CILK1: variants seen among roughly 807,000 people sequenced by gnomAD.
CILK1 encodes ciliogenesis associated kinase 1, also known as serine/threonine-protein kinase ICK.
CILK1 carries 47 observed loss-of-function variants against 79.2 expected under a neutral mutation model. The observed-to-expected ratio is 0.59, with a 90% CI of 0.47 to 0.76. The LOEUF (loss-of-function observed/expected upper bound fraction) is 0.76. Ranked by LOEUF, CILK1 falls within the 30% of genes least tolerant of loss-of-function variation. The probability of loss-of-function intolerance (pLI) is 0.00; values close to 1 mark genes in which losing one functional copy is unlikely to be tolerated. For synonymous variants in CILK1, 266 were observed against 275.9 expected (o/e 0.96, Z 0.36); for missense variants, 660 against 769.5 (o/e 0.86, Z 1.68).
chr6:53,036,533 G>A (rs570068886), intron 3 of CILK1, among the ~76,000 whole-genome samples: 13 of 151,964 alleles, frequency 8.6e-5, no homozygotes, highest in African/African-American at 2.2e-4. Context: ...CTCCTGCTTC[G>A]GCTTCCTGAG....
chr6:53,007,410 TTA>T (rs1167684896), intron 12 of CILK1, among the ~76,000 whole-genome samples: 3 of 152,272 alleles, frequency 2.0e-5, no homozygotes, highest in African/African-American at 7.2e-5. Context: ...GAGAAAAAAC[TTA>T]TAGTCAATAA....
At chr6:53,005,880 C>T (rs1002421121) in intron 13 of CILK1, among the ~76,000 whole-genome samples, 2 of 152,184 alleles carry the variant, frequency 1.3e-5, no homozygotes, top group African/African-American at 4.8e-5. Flanking sequence ...GTCACTCCCA[C>T]ACTCTGGCCT....
intron 7 of CILK1, 131 bp downstream of exon 7, chr6:53,018,199 A>G: frequency 1.1e-6 from 1 of 871,634 alleles, no homozygotes; most frequent in Non-Finnish European, 1.9e-6. Context: ...GGCAGTGGAG[A>G]ATGACTGAGG....
At chr6:53,016,884 A>G (rs1764922860) in intron 7 of CILK1, among the ~76,000 whole-genome samples, 1 of 152,220 alleles carries the variant, frequency 6.6e-6, no homozygotes, top group African/African-American at 2.4e-5. Flanking sequence ...AGCCTAAGGT[A>G]ATTGTTCCTC....
intron 5 of CILK1, among the ~76,000 whole-genome samples, chr6:53,029,786 G>C (rs900330731): frequency 6.6e-6 from 1 of 152,166 alleles, no homozygotes. Context: ...CAGTCTCCTT[G>C]AGTAATAAAA....
At chr6:53,022,424 A>G (rs1211071227) in intron 5 of CILK1, among the ~76,000 whole-genome samples, 1 of 152,190 alleles carries the variant, frequency 6.6e-6, no homozygotes, top group African/African-American at 2.4e-5. Flanking sequence ...ATTGTGTTAC[A>G]ATTGCCTATA....
chr6:53,031,031 G>A lies in CILK1; in HGVS notation c.358+34C>T, dbSNP rs74679577. The A allele has an allele frequency of 3.5e-4, 485 of 1,380,830 alleles. No individual in the cohort carries two copies. In the African/African-American group the frequency reaches 6.4e-3, roughly 18 times the overall value. 85.5% of individuals were successfully genotyped at this position (1,380,830 alleles called of 1,614,324 possible). ...TTCTACTTGATAACAACATTTCACT[G>A]CTCTTCAAAAGCACAACACTCCGAA... On this transcript the variant is annotated intron_variant, in intron 5 of 13. Transcript: ENST00000676107.
At chr6:53,037,594 T>C (rs970840315) in intron 3 of CILK1, among the ~76,000 whole-genome samples, 1 of 152,174 alleles carries the variant, frequency 6.6e-6, no homozygotes, top group Admixed American at 6.5e-5. Flanking sequence ...AGCAAGAAAC[T>C]GAAGTAAGTA....
rs33936662 is a variant in CILK1 at position 53,013,856 on chromosome 6, C to A, written c.958G>T (p.Val320Phe). ...TTGGCTGGTGGCTGGGCAGGTGGGA[C>A]TGGCTTAATATAAGGAGGTGGGCCT... ...KAGPPPYIKP[V>F]PPAQPPAKPH... is the part of the protein sequence containing the mutation. Residue 320 changes from valine (V) to phenylalanine (F), a missense_variant, in exon 9 of 14, where the codon GTC (valine) becomes TTC (phenylalanine). Transcript: ENST00000676107. 6.2e-7 allele frequency: 1 copy of A among 1,613,986 alleles called. No individual in the cohort carries two copies. The highest frequency in any genetic ancestry group is 8.5e-7 in the Non-Finnish European group (1 of 1,179,960).
At chr6:53,045,827 T>G (rs1767040793) in intron 1 of CILK1, among the ~76,000 whole-genome samples, 1 of 141,702 alleles carries the variant, frequency 7.1e-6, no homozygotes, top group Admixed American at 7.7e-5. Context: ...AAGCTTGATT[T>G]GTCAAAAAAA....
chr6:53,032,792 T>C (rs1268313629), intron 3 of CILK1, 138 bp from the exon 4 acceptor site: 2 of 630,124 alleles, frequency 3.2e-6, no homozygotes, highest in Non-Finnish European at 2.6e-6. Flanking sequence ...TTATATTTTA[T>C]TGACAGTTTA....
rs1764130552 is a variant in CILK1, at chr6:53,004,932, A to G, written c.*217T>C. The G allele has an allele frequency of 2.0e-6, 1 of 490,074 alleles. No individual in the cohort carries two copies. Among genetic ancestry groups the G allele is most frequent in the Non-Finnish European group, 3.6e-6 (1 of 278,822 alleles). The allele number at this position is 490,074 out of a possible 1,614,324, so 30.4% of individuals were successfully genotyped here. A position where few individuals can be genotyped will look rare whatever the true frequency, so the allele number is the denominator to read the frequency against. On this transcript the variant is annotated 3_prime_UTR_variant, in exon 14 of 14. Transcript: ENST00000676107. ...GAAAATAATGGGACCCAGTTTTAGA[A>G]TAAAATAATTTTATACAAAAAAGCC...
intron 1 of CILK1, among the ~76,000 whole-genome samples, chr6:53,046,571 T>C (rs1011095792): frequency 6.6e-6 from 1 of 152,240 alleles, no homozygotes; most frequent in African/African-American, 2.4e-5. Context: ...TGTGGCAAGA[T>C]ATGACTCTCA....
At chr6:53,017,005 C>G (rs578038260) in intron 7 of CILK1, among the ~76,000 whole-genome samples, 44 of 152,236 alleles carry the variant, frequency 2.9e-4, no homozygotes, top group Non-Finnish European at 5.1e-4. Flanking sequence ...CAAAAATGAT[C>G]CAATATAAAT....
In CILK1 at chr6:53,014,029, T is replaced by C. The variant is rs1280934004; in HGVS notation, c.832-47A>G. The C allele has an allele frequency of 2.1e-6, 3 of 1,448,018 alleles. No homozygotes were observed. In the South Asian group the frequency reaches 3.5e-5, roughly 17 times the overall value. 89.7% of individuals were successfully genotyped at this position (1,448,018 alleles called of 1,614,324 possible). A position where few individuals can be genotyped will look rare whatever the true frequency, so the allele number is the denominator to read the frequency against. ...TAGGAGAAAAGTCTAGCCAGGAAAG[T>C]TACCACTGTCTTGATTACTGGGCTA... On this transcript the variant is annotated intron_variant, in intron 8 of 13. Transcript: ENST00000676107.
intron 2 of CILK1, among the ~76,000 whole-genome samples, chr6:53,038,953 G>C (rs937862219): frequency 1.3e-5 from 2 of 152,216 alleles, no homozygotes; most frequent in Non-Finnish European, 1.5e-5. Flanking sequence ...TTGTCTTATA[G>C]CAGTCCTGTG....
At position 53,005,156 on chromosome 6, in the gene CILK1, C is replaced by T. The variant is rs147049747; in HGVS notation, c.1892G>A (p.Arg631Gln). Reference protein sequence around the residue: ...RTDWASKYASRR With the variant: ...RTDWASKYASQR ...CATCACCAAGGCAGACAGTCATCGCCGAGATGCGTACTTGGAAGCCCAGTC... is the reference window on the plus strand; with the variant it reads ...CATCACCAAGGCAGACAGTCATCGCTGAGATGCGTACTTGGAAGCCCAGTC... Residue 631 changes from arginine to glutamine, a missense_variant, in exon 14 of 14, where the codon CGG becomes CAG. Transcript: ENST00000676107. 3.1e-5 allele frequency: 50 copies of T among 1,614,124 alleles called. 1 individual carries two copies. The highest frequency in any genetic ancestry group is 2.9e-4 in the African/African-American group (22 of 75,048).
In CILK1 at chr6:53,004,701, C is replaced by T. The variant is rs937852265; in HGVS notation, c.*448G>A. The T allele has an allele frequency of 2.3e-5, 4 of 170,248 alleles. No homozygotes were observed. Among genetic ancestry groups the T allele is most frequent in the African/African-American group, 9.6e-5 (4 of 41,526 alleles). 10.5% of individuals were successfully genotyped at this position (170,248 alleles called of 1,614,324 possible). ...TCACCACTTCATAAATATCTGCACA[C>T]ACTGAGTAAATAACCCTCTATCACA... On this transcript the variant is annotated 3_prime_UTR_variant, in exon 14 of 14. Transcript: ENST00000676107.
rs536222424 is a variant in CILK1, at chr6:53,032,461, C to T, written c.278+72G>A. On this transcript the variant is annotated intron_variant, in intron 4 of 13. Transcript: ENST00000676107. The stretch of plus-strand genomic sequence containing the variant: ...AGAAAAAAAGGAGAGAAAGAAAACA[C>T]AAAAGCAGAAAGAAAACACATCTGC... 5.8e-6 allele frequency: 6 copies of T among 1,037,878 alleles called. No homozygotes were observed. In the African/African-American group the frequency reaches 8.4e-5, roughly 14 times the overall value. The allele number at this position is 1,037,878 out of a possible 1,614,324, so 64.3% of individuals were successfully genotyped here. A position where few individuals can be genotyped will look rare whatever the true frequency, so the allele number is the denominator to read the frequency against.
Sources: gnomAD v4.1 joint callset for allele counts (sites outside exome capture counted in the v4.1 genomes callset) on GRCh38, gnomAD v4.1.1 for gene constraint, MANE v1.5 for transcripts, NCBI Gene and HGNC (gene_info 2026-07-23, HGNC 2026-07-21) for gene names.